ZNF385B: variants seen among roughly 807,000 people sequenced by gnomAD.
The protein encoded by ZNF385B is zinc finger protein 385B, also known as zinc finger protein 533.
Under a neutral mutation model 39.2 loss-of-function variants are expected in ZNF385B, and 23 were observed. That is an observed-to-expected ratio of 0.59 (90% confidence interval 0.42 to 0.83). The LOEUF is 0.83. Ranked by LOEUF, ZNF385B falls within the 40% of genes least tolerant of loss-of-function variation. The pLI, the probability that ZNF385B is intolerant of heterozygous loss-of-function variation, is 0.00. For missense variants in ZNF385B, 552 were observed against 598.9 expected (o/e 0.92, Z 0.82); for synonymous variants, 205 against 222.6 (o/e 0.92, Z 0.70).
intron 1 of ZNF385B, among the ~76,000 whole-genome samples, chr2:179,788,051 T>C (rs959849120): frequency 1.3e-5 from 2 of 152,206 alleles, no homozygotes; most frequent in Non-Finnish European, 2.9e-5. Context: ...CATTTAAACA[T>C]AGAGAGAATA....
intron 3 of ZNF385B, among the ~76,000 whole-genome samples, chr2:179,652,083 T>C (rs1365305637): frequency 6.6e-6 from 1 of 152,108 alleles, no homozygotes; most frequent in Non-Finnish European, 1.5e-5. Context: ...ATCAGCAAAC[T>C]CTTGTCTAGA....
intron 4 of ZNF385B, among the ~76,000 whole-genome samples, chr2:179,540,315 G>A (rs1390069035): frequency 3.9e-5 from 6 of 152,060 alleles, no homozygotes; most frequent in South Asian, 2.1e-4. Context: ...GTGTGGTGGC[G>A]CATGACTGTA....
chr2:179,623,648 T>C (rs1000241234), intron 3 of ZNF385B, among the ~76,000 whole-genome samples: 5 of 152,144 alleles, frequency 3.3e-5, no homozygotes, highest in African/African-American at 4.8e-5. Context: ...CAGTACTCAG[T>C]GGCATCAGCA....
At chr2:179,530,456 T>C (rs770774768) in intron 4 of ZNF385B, among the ~76,000 whole-genome samples, 1 of 152,124 alleles carries the variant, frequency 6.6e-6, no homozygotes, top group Non-Finnish European at 1.5e-5. Context: ...TCTAAGAGAC[T>C]AGAGGAATAA....
intron 3 of ZNF385B, among the ~76,000 whole-genome samples, chr2:179,696,238 AC>A (rs1415646332): frequency 1.3e-5 from 2 of 151,284 alleles, no homozygotes; most frequent in East Asian, 3.9e-4. Context: ...ACTAAAAAAC[AC>A]AAAATTGTAT....
At chr2:179,642,787 A>G (rs139127739) in intron 3 of ZNF385B, among the ~76,000 whole-genome samples, 24 of 152,316 alleles carry the variant, frequency 1.6e-4, no homozygotes, top group African/African-American at 5.8e-4. Flanking sequence ...AGAAAAAGAA[A>G]TTTCTCTTAA....
At chr2:179,474,477 T>C (rs993191495) in intron 6 of ZNF385B, among the ~76,000 whole-genome samples, 3 of 152,180 alleles carry the variant, frequency 2.0e-5, no homozygotes, top group African/African-American at 7.2e-5. Context: ...ACCTAATACT[T>C]TCTATCTGAA....
intron 4 of ZNF385B, among the ~76,000 whole-genome samples, chr2:179,537,317 TA>T (rs2059633994): frequency 1.8e-5 from 1 of 56,540 alleles, no homozygotes; most frequent in Non-Finnish European, 3.7e-5. Flanking sequence ...AAAAAAAAAA[TA>T]AATAAAAAAA....
chr2:179,749,126 C>G (rs1307461083), intron 3 of ZNF385B, among the ~76,000 whole-genome samples: 1 of 151,882 alleles, frequency 6.6e-6, no homozygotes, highest in East Asian at 1.9e-4. Context: ...ACAGCAGCTT[C>G]CAAAAGTAAC....
chr2:179,586,438 G>T (rs575673922), intron 3 of ZNF385B, among the ~76,000 whole-genome samples: 1 of 152,260 alleles, frequency 6.6e-6, no homozygotes, highest in South Asian at 2.1e-4. Context: ...AAGGAATTTA[G>T]TCTAAGCCTC....
At chr2:179,588,335 G>A (rs1687269044) in intron 3 of ZNF385B, among the ~76,000 whole-genome samples, 1 of 152,014 alleles carries the variant, frequency 6.6e-6, no homozygotes, top group South Asian at 2.1e-4. Context: ...TGATCCGCCC[G>A]CCTCGTCCTC....
At chr2:179,763,354 T>C (rs1277821974) in intron 3 of ZNF385B, among the ~76,000 whole-genome samples, 1 of 152,232 alleles carries the variant, frequency 6.6e-6, no homozygotes, top group East Asian at 1.9e-4. Flanking sequence ...CATAATATCA[T>C]GTATCTCATT....
intron 1 of ZNF385B, among the ~76,000 whole-genome samples, chr2:179,840,575 C>T (rs1014417505): frequency 2.0e-5 from 3 of 152,182 alleles, no homozygotes; most frequent in African/African-American, 7.2e-5. Flanking sequence ...TGGTGGTTTA[C>T]ACTTTTAAAA....
intron 3 of ZNF385B, among the ~76,000 whole-genome samples, chr2:179,737,714 T>C (rs1311922189): frequency 2.0e-5 from 3 of 152,228 alleles, no homozygotes; most frequent in Non-Finnish European, 4.4e-5. Context: ...CCACTTGCTA[T>C]GCAAAAACCT....
chr2:179,679,739 A>G (rs1196967022), intron 3 of ZNF385B, among the ~76,000 whole-genome samples: 1 of 152,140 alleles, frequency 6.6e-6, no homozygotes, highest in Non-Finnish European at 1.5e-5. Flanking sequence ...CCACCCCTAA[A>G]GATTCCCACC....
At chr2:179,637,104 G>A (rs913050900) in intron 3 of ZNF385B, 20 of 152,168 alleles carry the variant, frequency 1.3e-4, no homozygotes, top group Admixed American at 7.9e-4. Flanking sequence ...GAGAAATGAT[G>A]TCCTTGCTCT....
intron 3 of ZNF385B, among the ~76,000 whole-genome samples, chr2:179,671,638 A>G (rs1223271035): frequency 6.6e-6 from 1 of 152,178 alleles, no homozygotes; most frequent in Admixed American, 6.5e-5. Context: ...GGTAGGTAGT[A>G]CAATTTCAAC....
chr2:179,681,340 C>A (rs1697495031), intron 3 of ZNF385B, among the ~76,000 whole-genome samples: 1 of 152,072 alleles, frequency 6.6e-6, no homozygotes, highest in Non-Finnish European at 1.5e-5. Flanking sequence ...TCTTTTAAAG[C>A]TGAATCATGG....
chr2:179,659,491 G>A (rs1254183739), intron 3 of ZNF385B, among the ~76,000 whole-genome samples: 2 of 151,818 alleles, frequency 1.3e-5, no homozygotes, highest in Middle Eastern at 3.3e-3. Flanking sequence ...TTTCTATTAA[G>A]ACTAATGCAT....
Sources: allele counts gnomAD v4.1 joint callset (sites outside exome capture counted in the v4.1 genomes callset), GRCh38; gene constraint gnomAD v4.1.1; transcripts MANE v1.5; gene names NCBI Gene and HGNC (gene_info 2026-07-23, HGNC 2026-07-21).